The following ARB2A variants were observed in gnomAD, a reference collection of about 807,000 sequenced individuals.
ARB2A encodes cotranscriptional regulator ARB2A.
chr5:93,866,804 T>C, the ARB2A span, among the ~76,000 whole-genome samples: 1 of 152,176 alleles, frequency 6.6e-6, no homozygotes, highest in African/African-American at 2.4e-5. Flanking sequence ...TATCTACATC[T>C]ACAAATGAAA....
the ARB2A span, among the ~76,000 whole-genome samples, chr5:93,920,137 A>G: frequency 6.6e-6 from 1 of 152,170 alleles, no homozygotes; most frequent in Admixed American, 6.5e-5. Flanking sequence ...AGTATAAACC[A>G]CTATATACTA....
the ARB2A span, among the ~76,000 whole-genome samples, chr5:93,886,169 A>C: frequency 2.0e-4 from 31 of 151,862 alleles, no homozygotes; most frequent in African/African-American, 7.0e-4. Flanking sequence ...AATTATAAGA[A>C]AAATGGAAAA....
At chr5:93,850,178 G>A in the ARB2A span, among the ~76,000 whole-genome samples, 1 of 152,148 alleles carries the variant, frequency 6.6e-6, no homozygotes, top group African/African-American at 2.4e-5. Context: ...GTGCATGTAT[G>A]TGTGTGCACG....
chr5:94,005,208 G>A, the ARB2A span, among the ~76,000 whole-genome samples: 1 of 151,572 alleles, frequency 6.6e-6, no homozygotes, highest in Non-Finnish European at 1.5e-5. Flanking sequence ...TTTTTTTGTT[G>A]TTGTTGTTGT....
At chr5:93,803,859 G>C in the ARB2A span, among the ~76,000 whole-genome samples, 1 of 151,922 alleles carries the variant, frequency 6.6e-6, no homozygotes, top group Non-Finnish European at 1.5e-5. Flanking sequence ...AACGGGAAAG[G>C]TAAGCAGGTC....
chr5:93,954,042 C>T, the ARB2A span, among the ~76,000 whole-genome samples: 2 of 152,150 alleles, frequency 1.3e-5, no homozygotes, highest in Non-Finnish European at 2.9e-5. Flanking sequence ...TTCTAGCCCA[C>T]AGTAGGTCCA....
the ARB2A span, among the ~76,000 whole-genome samples, chr5:94,060,222 C>T: frequency 2.6e-5 from 4 of 152,070 alleles, no homozygotes; most frequent in East Asian, 1.9e-4. Context: ...TGTGGTGGTG[C>T]GCACCTATAA....
At chr5:93,671,022 T>G in the ARB2A span, among the ~76,000 whole-genome samples, 1 of 152,332 alleles carries the variant, frequency 6.6e-6, no homozygotes, top group Admixed American at 6.5e-5. Flanking sequence ...GGACTTTCAT[T>G]GTGATATACA....
the ARB2A span, among the ~76,000 whole-genome samples, chr5:93,722,810 A>C: frequency 6.6e-6 from 1 of 152,092 alleles, no homozygotes; most frequent in Admixed American, 6.6e-5. Flanking sequence ...ACCGGTGGGC[A>C]ATTAAATTTG....
chr5:94,067,102 C>T, the ARB2A span, among the ~76,000 whole-genome samples: 5 of 152,156 alleles, frequency 3.3e-5, no homozygotes, highest in Non-Finnish European at 7.3e-5. Flanking sequence ...ATGATCATCT[C>T]AGTAGATGCA....
the ARB2A span, among the ~76,000 whole-genome samples, chr5:93,894,063 T>C: frequency 6.6e-6 from 1 of 152,220 alleles, no homozygotes; most frequent in Admixed American, 6.5e-5. Flanking sequence ...TCCATGCTGC[T>C]GTGCTGCCAA....
chr5:93,721,700 A>G, the ARB2A span, among the ~76,000 whole-genome samples: 2 of 152,200 alleles, frequency 1.3e-5, no homozygotes, highest in African/African-American at 4.8e-5. Context: ...AAAAATTCAC[A>G]GGAAGGAGCC....
chr5:93,805,324 A>C, the ARB2A span: 1 of 985,174 alleles, frequency 1.0e-6, no homozygotes, highest in Non-Finnish European at 1.2e-6. Context: ...TATAAAGGAA[A>C]AAGCAAAGGA....
the ARB2A span, among the ~76,000 whole-genome samples, chr5:93,751,999 G>A: frequency 9.2e-5 from 14 of 152,140 alleles, no homozygotes; most frequent in Non-Finnish European, 1.6e-4. Context: ...TGGGCTGGGG[G>A]GATGTGATTC....
At chr5:93,806,178 T>G in the ARB2A span, among the ~76,000 whole-genome samples, 2 of 151,940 alleles carry the variant, frequency 1.3e-5, no homozygotes, top group African/African-American at 4.8e-5. Flanking sequence ...AGTTGCAACG[T>G]AATATCTGTG....
At chr5:94,087,333 A>C in the ARB2A span, among the ~76,000 whole-genome samples, 5 of 152,058 alleles carry the variant, frequency 3.3e-5, no homozygotes, top group Non-Finnish European at 1.5e-5. Context: ...CTTGAGCCCA[A>C]GAGTTTGAAT....
At chr5:93,909,167 A>G in the ARB2A span, among the ~76,000 whole-genome samples, 1 of 151,112 alleles carries the variant, frequency 6.6e-6, no homozygotes, top group African/African-American at 2.4e-5. Context: ...ACTTAATGAC[A>G]TATCACAAGA....
the ARB2A span, among the ~76,000 whole-genome samples, chr5:93,664,782 T>C: frequency 6.6e-6 from 1 of 152,056 alleles, no homozygotes; most frequent in African/African-American, 2.4e-5. Flanking sequence ...ACCTTAACAG[T>C]AAAAGCAGAC....
At chr5:93,850,412 G>A in the ARB2A span, among the ~76,000 whole-genome samples, 23 of 152,136 alleles carry the variant, frequency 1.5e-4, no homozygotes, top group Admixed American at 3.9e-4. Flanking sequence ...GTAGGTAGGT[G>A]TGCAGGTATG....
Sources: allele counts gnomAD v4.1 joint callset (sites outside exome capture counted in the v4.1 genomes callset), GRCh38; gene constraint gnomAD v4.1.1; transcripts MANE v1.5; gene names NCBI Gene and HGNC (gene_info 2026-07-23, HGNC 2026-07-21).